The following NAV3 variants were observed in gnomAD, a reference collection of about 807,000 sequenced individuals.
NAV3 encodes pore membrane and/or filament interacting like protein 1.
A neutral mutation model predicts 244.7 loss-of-function variants in NAV3; 87 were observed. The observed-to-expected ratio is 0.36, with a 90% CI of 0.30 to 0.42. NAV3 has a LOEUF of 0.42. Ranked by LOEUF, NAV3 falls within the 20% of genes least tolerant of loss-of-function variation. The probability of loss-of-function intolerance (pLI) is 1.00; values close to 1 mark genes in which losing one functional copy is unlikely to be tolerated. For missense variants in NAV3, 2,663 were observed against 2,893.3 expected, an observed-to-expected ratio of 0.92 and a Z score of 1.83; for synonymous variants, 1,126 against 1,042.2, an observed-to-expected ratio of 1.08 and a Z score of -1.55.
At chr12:77,687,048 G>T (rs1340184778) in intron 2 of NAV3, among the ~76,000 whole-genome samples, 3 of 151,986 alleles carry the variant, frequency 2.0e-5, no homozygotes, top group African/African-American at 7.2e-5. Context: ...AACTAAATCT[G>T]TAATTTCCTG....
intron 1 of NAV3, among the ~76,000 whole-genome samples, chr12:77,908,394 AC>A (rs1337162780): frequency 2.6e-5 from 4 of 152,138 alleles, no homozygotes; most frequent in Middle Eastern, 3.4e-3. Flanking sequence ...TCTTTTATTC[AC>A]TTATTTAAGG....
intron 2 of NAV3, among the ~76,000 whole-genome samples, chr12:77,583,533 T>A (rs1223402709): frequency 6.6e-6 from 1 of 152,204 alleles, no homozygotes; most frequent in Admixed American, 6.5e-5. Context: ...TATGAATTAA[T>A]GTAGCATACC....
At chr12:78,096,343 C>T (rs1954250429) in intron 12 of NAV3, among the ~76,000 whole-genome samples, 1 of 152,116 alleles carries the variant, frequency 6.6e-6, no homozygotes, top group African/African-American at 2.4e-5. Context: ...TGTTTGTTCT[C>T]ACCAGCTCCT....
chr12:77,846,547 G>A (rs928787058), intron 1 of NAV3, among the ~76,000 whole-genome samples: 15 of 152,268 alleles, frequency 9.9e-5, no homozygotes, highest in Admixed American at 3.3e-4. Flanking sequence ...TTGGTTACTC[G>A]AGTTATGAGT....
Position 78,007,086 on chromosome 12 carries a change from G to C in NAV3, c.1548G>C (p.Lys516Asn), listed in dbSNP as rs1240762874. Residue 516 changes from lysine (K) to asparagine (N), a missense_variant, in exon 8 of 40, where the codon AAG becomes AAC. Lys to Asn is a moderately conservative substitution (Grantham distance 94). Around this residue, in one of 6 missense-constraint regions of NAV3, gnomAD observed 1,521 missense variants for 1,497.0 expected, o/e 1.02. Coordinates refer to ENST00000397909, the MANE Select transcript of NAV3 (RefSeq NM_001024383.2). The stretch of plus-strand genomic sequence containing the variant: ...AGGGCAGCAAGACAACAGCAGCTAA[G>C]AAGGAAAGCTTAATTCCGTCTTCCA... ...IPKGSKTTAA[K>N]KESLIPSSSG... 1 of 1,614,166 alleles carries C rather than the reference G, an allele frequency of 6.2e-7. No individual in the cohort carries two copies. Among genetic ancestry groups the C allele is most frequent in the Non-Finnish European group, 8.5e-7 (1 of 1,180,038 alleles).
intron 2 of NAV3, among the ~76,000 whole-genome samples, chr12:77,585,608 C>T (rs1869566534): frequency 2.6e-5 from 4 of 152,164 alleles, no homozygotes; most frequent in African/African-American, 2.4e-5. Context: ...GAGCTCAGAA[C>T]GTAGATCCCT....
chr12:78,163,490 C>A (rs1474318962), intron 23 of NAV3, among the ~76,000 whole-genome samples: 3 of 152,016 alleles, frequency 2.0e-5, no homozygotes, highest in Admixed American at 2.0e-4. Context: ...ATTGCTTGAA[C>A]CCTGGAGGTG....
chr12:77,904,231 C>G (rs1454470621), intron 1 of NAV3, among the ~76,000 whole-genome samples: 1 of 152,198 alleles, frequency 6.6e-6, no homozygotes, highest in Non-Finnish European at 1.5e-5. Flanking sequence ...ATAGCACAGA[C>G]TTGGAACCAA....
chr12:78,108,755 A>T (rs1364489870), intron 12 of NAV3, among the ~76,000 whole-genome samples: 1 of 152,134 alleles, frequency 6.6e-6, no homozygotes. Context: ...AATTCTTGTA[A>T]CAAATAAAGA....
intron 1 of NAV3, among the ~76,000 whole-genome samples, chr12:77,872,713 T>C (rs976694779): frequency 1.8e-4 from 27 of 152,358 alleles, no homozygotes; most frequent in Non-Finnish European, 1.2e-4. Context: ...AAGATTTTAA[T>C]ATCCCTCCTT....
chr12:77,820,166 G>A (rs1313162846), intron 2 of NAV3, among the ~76,000 whole-genome samples: 1 of 151,944 alleles, frequency 6.6e-6, no homozygotes, highest in African/African-American at 2.4e-5. Context: ...ACTTTGAAGG[G>A]TTTACGTAGA....
intron 12 of NAV3, among the ~76,000 whole-genome samples, chr12:78,095,084 CACACAT>C (rs1389013881): frequency 6.7e-5 from 9 of 135,046 alleles, no homozygotes; most frequent in Non-Finnish European, 1.4e-4. Flanking sequence ...CACACACACA[CACACAT>C]ATATATATAC....
intron 5 of NAV3, among the ~76,000 whole-genome samples, chr12:77,994,153 A>G (rs1377903831): frequency 2.0e-5 from 3 of 152,258 alleles, no homozygotes; most frequent in African/African-American, 4.8e-5. Context: ...AGAAATTGTC[A>G]TTAGTATTTG....
intron 2 of NAV3, among the ~76,000 whole-genome samples, chr12:77,670,100 C>G (rs1873900075): frequency 6.6e-6 from 1 of 151,888 alleles, no homozygotes; most frequent in African/African-American, 2.4e-5. Flanking sequence ...CAATGGGAAA[C>G]AAAACGGGAG....
chr12:78,134,336 G>A (rs1956286753), intron 18 of NAV3, among the ~76,000 whole-genome samples: 2 of 152,016 alleles, frequency 1.3e-5, no homozygotes, highest in Admixed American at 1.3e-4. Context: ...GACATCTCTA[G>A]CTTCTTCTTT....
chr12:77,685,197 GA>G (rs1177932375), intron 2 of NAV3, among the ~76,000 whole-genome samples: 4 of 151,992 alleles, frequency 2.6e-5, no homozygotes, highest in Non-Finnish European at 5.9e-5. Context: ...ATGGGTTATT[GA>G]AAAAAATCAA....
intron 2 of NAV3, among the ~76,000 whole-genome samples, chr12:77,631,424 G>C (rs1456115328): frequency 6.6e-6 from 1 of 151,222 alleles, no homozygotes; most frequent in Non-Finnish European, 1.5e-5. Context: ...GCTTTAATTT[G>C]TAAAATGTCC....
chr12:77,700,303 A>T (rs913381549), intron 2 of NAV3, among the ~76,000 whole-genome samples: 2 of 152,150 alleles, frequency 1.3e-5, no homozygotes, highest in African/African-American at 2.4e-5. Flanking sequence ...TATTCACAAA[A>T]TAGAGGATAT....
intron 1 of NAV3, among the ~76,000 whole-genome samples, chr12:77,899,377 C>G (rs925166253): frequency 6.6e-6 from 1 of 152,100 alleles, no homozygotes; most frequent in Non-Finnish European, 1.5e-5. Context: ...ACTTAAATTG[C>G]CACAGTCACC....
Sources: allele counts gnomAD v4.1 joint callset (sites outside exome capture counted in the v4.1 genomes callset), GRCh38; gene constraint gnomAD v4.1.1; regional missense constraint gnomAD v4.1.1; transcripts MANE v1.5; gene names NCBI Gene and HGNC (gene_info 2026-07-23, HGNC 2026-07-21).